Variants in TAFA1 observed in about 807,000 individuals in gnomAD.
TAFA1 encodes chemokine-like protein TAFA-1.
A neutral mutation model predicts 18.5 loss-of-function variants in TAFA1; 4 were observed. The observed-to-expected ratio is 0.22, with a 90% CI of 0.11 to 0.49. The LOEUF is 0.49. Ranked by LOEUF, TAFA1 falls within the 20% of genes least tolerant of loss-of-function variation. The probability of loss-of-function intolerance (pLI) is 0.98; values close to 1 mark genes in which losing one functional copy is unlikely to be tolerated. For missense variants in TAFA1, 147 were observed against 169.0 expected (o/e 0.87, Z 0.72); for synonymous variants, 56 against 55.2 (o/e 1.01, Z -0.06).
intron 2 of TAFA1, among the ~76,000 whole-genome samples, chr3:68,294,471 C>A (rs2068170739): frequency 6.6e-6 from 1 of 152,128 alleles, no homozygotes; most frequent in African/African-American, 2.4e-5. Context: ...TATATTCTGA[C>A]AATAAACGTT....
chr3:68,517,490 G>A (rs1191227223), intron 3 of TAFA1, among the ~76,000 whole-genome samples: 1 of 152,126 alleles, frequency 6.6e-6, no homozygotes, highest in Non-Finnish European at 1.5e-5. Context: ...TTGGTGACCT[G>A]GGTGCAGGGA....
chr3:68,521,720 C>G (rs1463777023), intron 3 of TAFA1, among the ~76,000 whole-genome samples: 1 of 151,812 alleles, frequency 6.6e-6, no homozygotes, highest in African/African-American at 2.4e-5. Context: ...TAAACTAAAT[C>G]AAGTAACAAT....
At chr3:68,314,723 A>G (rs1297199668) in intron 2 of TAFA1, among the ~76,000 whole-genome samples, 1 of 152,030 alleles carries the variant, frequency 6.6e-6, no homozygotes, top group Non-Finnish European at 1.5e-5. Flanking sequence ...TTTTACATGT[A>G]TAACCTGTGG....
At chr3:68,115,726 C>T (rs1163351475) in intron 2 of TAFA1, among the ~76,000 whole-genome samples, 3 of 152,134 alleles carry the variant, frequency 2.0e-5, no homozygotes, top group Non-Finnish European at 4.4e-5. Context: ...CCAGGAGATG[C>T]CTACACCTTA....
intron 3 of TAFA1, among the ~76,000 whole-genome samples, chr3:68,446,310 G>A (rs2071473110): frequency 6.6e-6 from 1 of 152,114 alleles, no homozygotes; most frequent in Non-Finnish European, 1.5e-5. Flanking sequence ...TCACAATGGA[G>A]AGCATATGGC....
chr3:68,056,322 C>T (rs1411069904), intron 2 of TAFA1, among the ~76,000 whole-genome samples: 1 of 152,134 alleles, frequency 6.6e-6, no homozygotes. Flanking sequence ...TACTGAAAGT[C>T]CCACATCCTG....
At chr3:68,124,060 A>G (rs2106867175) in intron 2 of TAFA1, among the ~76,000 whole-genome samples, 1 of 152,230 alleles carries the variant, frequency 6.6e-6, no homozygotes, top group African/African-American at 2.4e-5. Context: ...AAATTTTTGA[A>G]GCGTTTGCTG....
At chr3:68,232,930 A>G (rs2066888671) in intron 2 of TAFA1, among the ~76,000 whole-genome samples, 1 of 152,160 alleles carries the variant, frequency 6.6e-6, no homozygotes, top group South Asian at 2.1e-4. Flanking sequence ...AGGAATCTCC[A>G]TACTGCTTTC....
chr3:68,082,198 G>T lies in TAFA1; in HGVS notation c.118+75454G>T, dbSNP rs148274618. On this transcript the variant is annotated intron_variant, in intron 2 of 4. Transcript: ENST00000478136. ...CGCGCATGGTGTGCGCACCCACTGA[G>T]CTGCGCCCACTGTCTGGCACTCCCT... 3.6e-3 allele frequency among the ~76,000 whole-genome samples: 555 copies of T among 152,198 alleles called. 5 individuals are homozygous for T. Among genetic ancestry groups the T allele is most frequent in the African/African-American group, 0.013 (519 of 41,452 alleles).
At chr3:68,465,254 C>G (rs952727968) in intron 3 of TAFA1, among the ~76,000 whole-genome samples, 2 of 152,130 alleles carry the variant, frequency 1.3e-5, no homozygotes, top group African/African-American at 2.4e-5. Context: ...GAACAACTAG[C>G]TTTGCAGCAG....
chr3:68,455,743 G>A (rs2071651151), intron 3 of TAFA1, among the ~76,000 whole-genome samples: 1 of 152,000 alleles, frequency 6.6e-6, no homozygotes, highest in South Asian at 2.1e-4. Flanking sequence ...ACAATATCTG[G>A]ATACATTATA....
intron 3 of TAFA1, among the ~76,000 whole-genome samples, chr3:68,437,163 T>A (rs1425163420): frequency 1.3e-5 from 2 of 152,138 alleles, no homozygotes; most frequent in Non-Finnish European, 2.9e-5. Flanking sequence ...ATCGCAAGTT[T>A]GGCTGTAAGC....
chr3:68,220,018 C>G (rs1298151499), intron 2 of TAFA1, among the ~76,000 whole-genome samples: 1 of 152,124 alleles, frequency 6.6e-6, no homozygotes, highest in Non-Finnish European at 1.5e-5. Context: ...CTCTCCAATC[C>G]TTTGAGGTTT....
intron 2 of TAFA1, among the ~76,000 whole-genome samples, chr3:68,329,984 A>G (rs950434104): frequency 7.3e-6 from 1 of 137,314 alleles, no homozygotes; most frequent in Non-Finnish European, 1.6e-5. Flanking sequence ...ATGCATACAC[A>G]TTGGATACAC....
chr3:68,133,135 C>T (rs2065563263), intron 2 of TAFA1, among the ~76,000 whole-genome samples: 1 of 152,052 alleles, frequency 6.6e-6, no homozygotes, highest in Admixed American at 6.6e-5. Flanking sequence ...ATCCTTCCTC[C>T]TTGCTTGTTT....
At chr3:68,529,382 C>G (rs2073154819) in intron 3 of TAFA1, among the ~76,000 whole-genome samples, 1 of 145,628 alleles carries the variant, frequency 6.9e-6, no homozygotes, top group South Asian at 2.2e-4. Context: ...CTTCCCCTAC[C>G]TACCCTTTAA....
At chr3:67,997,840 C>A in the TAFA1 span, among the ~76,000 whole-genome samples, 2 of 65,752 alleles carry the variant, frequency 3.0e-5, no homozygotes, top group Non-Finnish European at 9.0e-5. Flanking sequence ...AAATTTACTA[C>A]CACAAAAGTA....
chr3:68,094,562 C>T (rs2065065461), intron 2 of TAFA1, among the ~76,000 whole-genome samples: 1 of 152,090 alleles, frequency 6.6e-6, no homozygotes, highest in South Asian at 2.1e-4. Flanking sequence ...ATAATATTTG[C>T]TGAAGAATGC....
At chr3:68,385,734 A>C (rs1422560311) in intron 2 of TAFA1, among the ~76,000 whole-genome samples, 1 of 151,862 alleles carries the variant, frequency 6.6e-6, no homozygotes, top group African/African-American at 2.4e-5. Context: ...CTTTTTTTTT[A>C]AGTAGTTTCC....
Sources: gnomAD v4.1 joint callset for allele counts (sites outside exome capture counted in the v4.1 genomes callset) on GRCh38, gnomAD v4.1.1 for gene constraint, MANE v1.5 for transcripts, NCBI Gene and HGNC (gene_info 2026-07-23, HGNC 2026-07-21) for gene names.